ARHGAP44: variants seen among roughly 807,000 people sequenced by gnomAD.
The protein encoded by ARHGAP44 is Rho GTPase activating protein 44, also known as rho GTPase-activating protein 44.
In ARHGAP44, 43 loss-of-function variants were observed where a neutral mutation model predicts 106.8. The ratio of observed to expected loss-of-function variants is 0.40; its 90% CI spans 0.32 to 0.52. The LOEUF (loss-of-function observed/expected upper bound fraction) is 0.52. ARHGAP44 is among the 20% of genes least tolerant of loss of function. ARHGAP44 has a pLI of 0.48. For synonymous variants in ARHGAP44, 439 were observed against 410.3 expected (o/e 1.07, Z -0.85); for missense variants, 866 against 1,050.5 (o/e 0.82, Z 2.43).
At chr17:12,979,977 A>G in intron 18 of ARHGAP44, 81 bp from the exon 19 acceptor site, 1 of 1,418,770 alleles carries the variant, frequency 7.0e-7, no homozygotes, top group Admixed American at 2.4e-5. Flanking sequence ...AGAAGGACAC[A>G]CAGGGTGGCC....
At chr17:12,932,217 G>A (rs2038423173) in intron 7 of ARHGAP44, among the ~76,000 whole-genome samples, 1 of 152,088 alleles carries the variant, frequency 6.6e-6, no homozygotes, top group African/African-American at 2.4e-5. Flanking sequence ...CCAATTTGGT[G>A]AGGGAAGAAA....
chr17:12,930,430 G>A (rs1419968311), intron 7 of ARHGAP44, among the ~76,000 whole-genome samples: 1 of 151,954 alleles, frequency 6.6e-6, no homozygotes, highest in Non-Finnish European at 1.5e-5. Context: ...AGAGACGGGG[G>A]TTTTACCATA....
intron 20 of ARHGAP44, 101 bp from the exon 21 acceptor site, chr17:12,989,928 TAGC>T: frequency 6.7e-7 from 1 of 1,486,962 alleles, no homozygotes; most frequent in Non-Finnish European, 9.2e-7. Flanking sequence ...ATCCCTAGAA[TAGC>T]AGCACCCCTG....
rs576704937 is a variant in ARHGAP44 at position 12,828,198 on chromosome 17, A to G, written c.53+38307A>G. ...GATTATATTGTCTACAAATAATGGT[A>G]GTTTTTTTCTCTTTCTTTATACCTT... On this transcript the variant is annotated intron_variant, in intron 1 of 20. Transcript: ENST00000379672. Among the ~76,000 whole-genome samples the G allele has an allele frequency of 3.9e-5, 6 of 152,186 alleles. No homozygotes were observed. In the South Asian group the frequency reaches 1.2e-3, roughly 32 times the overall value.
intron 7 of ARHGAP44, 162 bp downstream of exon 7, chr17:12,929,208 A>G: frequency 1.7e-6 from 1 of 579,382 alleles, no homozygotes; most frequent in Non-Finnish European, 3.0e-6. Flanking sequence ...TCCAGGATGA[A>G]CCCAAGGAGT....
At chr17:12,817,953 C>G (rs2034645150) in intron 1 of ARHGAP44, among the ~76,000 whole-genome samples, 1 of 151,954 alleles carries the variant, frequency 6.6e-6, no homozygotes, top group Non-Finnish European at 1.5e-5. Flanking sequence ...GGGAATAACA[C>G]AGTCTCTTTC....
In ARHGAP44 at chr17:12,919,928, C is replaced by T. The variant is rs546534881; in HGVS notation, c.464+97C>T. 1.2e-3 allele frequency: 1,242 copies of T among 1,022,776 alleles called. 3 individuals are homozygous for T. The highest frequency in any genetic ancestry group is 1.5e-3 in the Non-Finnish European group (1,065 of 697,004). The allele number at this position is 1,022,776 out of a possible 1,614,324, so 63.4% of individuals were successfully genotyped here. Reference sequence around the variant, plus strand: ...AGTAGGCAATTGTGTTTTCATTCACCAAGTTTTTCTGGACACCTAACGTGT... The same window carrying T: ...AGTAGGCAATTGTGTTTTCATTCACTAAGTTTTTCTGGACACCTAACGTGT... On this transcript the variant is annotated intron_variant, in intron 6 of 20. Coordinates refer to ENST00000379672, the MANE Select transcript of ARHGAP44 (RefSeq NM_014859.6).
intron 1 of ARHGAP44, among the ~76,000 whole-genome samples, chr17:12,894,682 G>A (rs764161714): frequency 6.6e-6 from 1 of 151,544 alleles, no homozygotes; most frequent in Non-Finnish European, 1.5e-5. Context: ...TGGAAACAAA[G>A]GCATACATTT....
At position 12,956,711 on chromosome 17, in the gene ARHGAP44, C is replaced by T; in HGVS notation, c.1307C>T (p.Pro436Leu). ...CTGCAAATTGTTGGGATCATTGAAC[C>T]TATCATCCAGCATGCAGACTGGTTC... ...VSLQIVGIIE[P>L]IIQHADWFFP... The change falls in exon 15 of 21, where the codon CCT (proline) becomes CTT (leucine). Residue 436 changes from proline (P) to leucine (L), a missense_variant. Transcript: ENST00000379672. The T allele has an allele frequency of 6.2e-7, 1 of 1,614,186 alleles. No homozygotes were observed. The highest frequency in any genetic ancestry group is 8.5e-7 in the Non-Finnish European group (1 of 1,180,038).
At chr17:12,817,963 C>G (rs1221161657) in intron 1 of ARHGAP44, among the ~76,000 whole-genome samples, 1 of 151,918 alleles carries the variant, frequency 6.6e-6, no homozygotes, top group Non-Finnish European at 1.5e-5. Flanking sequence ...CAGTCTCTTT[C>G]AGAAAACAGA....
At chr17:12,863,906 C>T (rs1344293256) in intron 1 of ARHGAP44, among the ~76,000 whole-genome samples, 5 of 152,178 alleles carry the variant, frequency 3.3e-5, no homozygotes, top group Admixed American at 2.6e-4. Flanking sequence ...GAGTTGTGTT[C>T]GCTCACCTGT....
intron 6 of ARHGAP44, among the ~76,000 whole-genome samples, chr17:12,922,702 C>T (rs1013519568): frequency 4.6e-5 from 7 of 152,064 alleles, no homozygotes; most frequent in African/African-American, 9.7e-5. Flanking sequence ...ATTGATGGTC[C>T]GTTCTCCTGC....
At chr17:12,830,726 C>A (rs555553189) in intron 1 of ARHGAP44, among the ~76,000 whole-genome samples, 3 of 150,090 alleles carry the variant, frequency 2.0e-5, no homozygotes, top group East Asian at 3.9e-4. Context: ...AAACAAAAAC[C>A]GAAGAAATAT....
rs147486506 is a variant in ARHGAP44, at chr17:12,809,834, G to A, written c.53+19943G>A. Among the ~76,000 whole-genome samples, 20 of 152,314 alleles carry A rather than the reference G, an allele frequency of 1.3e-4. No homozygotes were observed. The East Asian group carries it at 3.3e-3, about 25-fold the overall frequency. On this transcript the variant is annotated intron_variant, in intron 1 of 20. Coordinates refer to ENST00000379672, the MANE Select transcript of ARHGAP44 (RefSeq NM_014859.6). Reference sequence around the variant, plus strand: ...AGATAAAGGCCATGGTGGAACTTGCGGGAGCAGTGGGAGATAAAGCTGCTG... The same window carrying A: ...AGATAAAGGCCATGGTGGAACTTGCAGGAGCAGTGGGAGATAAAGCTGCTG...
intron 1 of ARHGAP44, among the ~76,000 whole-genome samples, chr17:12,863,174 A>AAT (rs1555548583): frequency 4.2e-4 from 64 of 152,036 alleles, no homozygotes; most frequent in African/African-American, 1.5e-3. Context: ...AATTAAAAAA[A>AAT]TTTTTTTAAA....
chr17:12,903,311 C>T lies in ARHGAP44; in HGVS notation c.199-5586C>T, dbSNP rs537287459. ...CTCAGAAATGTCAGATTGACTATAT[C>T]GAAACTCTGGGACAGTCTGTCTTTC... On this transcript the variant is annotated intron_variant, in intron 3 of 20. Coordinates refer to ENST00000379672, the MANE Select transcript of ARHGAP44 (RefSeq NM_014859.6). Among the ~76,000 whole-genome samples, 5 of 152,122 alleles carry T rather than the reference C, an allele frequency of 3.3e-5. No individual in the cohort carries two copies. In the South Asian group the frequency reaches 8.3e-4, roughly 25 times the overall value.
At chr17:12,896,796 G>C (rs2037219481) in intron 3 of ARHGAP44, among the ~76,000 whole-genome samples, 2 of 152,174 alleles carry the variant, frequency 1.3e-5, no homozygotes, top group Admixed American at 1.3e-4. Context: ...GCAGGGGCGT[G>C]CTTGAGATCC....
intron 6 of ARHGAP44, among the ~76,000 whole-genome samples, chr17:12,921,252 A>G (rs940609721): frequency 1.3e-5 from 2 of 152,032 alleles, no homozygotes; most frequent in African/African-American, 4.8e-5. Context: ...TTTTTAGTAT[A>G]CACAGGGTTC....
rs1447464871 is a variant in ARHGAP44, at chr17:12,878,933, C to T, written c.54-16007C>T. Among the ~76,000 whole-genome samples, 4 of 152,118 alleles carry T rather than the reference C, an allele frequency of 2.6e-5. No individual in the cohort carries two copies. The East Asian group carries it at 7.7e-4, about 29-fold the overall frequency. On this transcript the variant is annotated intron_variant, in intron 1 of 20. Transcript: ENST00000379672. The stretch of plus-strand genomic sequence containing the variant: ...TTTCCTTCAAAGAAGAGAGCTTATT[C>T]CTCTTTTATCAGCTATGTAGCTGCA...
Sources: gnomAD v4.1 joint callset for allele counts (sites outside exome capture counted in the v4.1 genomes callset) on GRCh38, gnomAD v4.1.1 for gene constraint, MANE v1.5 for transcripts, NCBI Gene and HGNC (gene_info 2026-07-23, HGNC 2026-07-21) for gene names.